CYP2C19: variants seen among roughly 807,000 people sequenced by gnomAD.
The protein encoded by CYP2C19 is cytochrome P450 2C19.
In CYP2C19, 59 loss-of-function variants were observed where a neutral mutation model predicts 40.9. The ratio of observed to expected loss-of-function variants is 1.44; its 90% CI spans 1.17 to 1.79. The LOEUF is 1.79. Among genes scored for constraint, CYP2C19 ranks in the 40% most tolerant of loss-of-function variants. The probability of loss-of-function intolerance (pLI) is 0.00; values close to 1 mark genes in which losing one functional copy is unlikely to be tolerated. For missense variants in CYP2C19, 754 were observed against 596.9 expected, an observed-to-expected ratio of 1.26 and a Z score of -2.74; for synonymous variants, 253 against 208.7, an observed-to-expected ratio of 1.21 and a Z score of -1.83.
At chr10:94,848,645 T>G (rs996591942) in intron 7 of CYP2C19, among the ~76,000 whole-genome samples, 9 of 152,220 alleles carry the variant, frequency 5.9e-5, no homozygotes, top group Middle Eastern at 3.2e-3. Flanking sequence ...GGGATGGCAT[T>G]GAATCTATAA....
chr10:94,831,426 G>T (rs956310294), intron 6 of CYP2C19, among the ~76,000 whole-genome samples: 4 of 152,106 alleles, frequency 2.6e-5, no homozygotes, highest in Admixed American at 2.6e-4. Flanking sequence ...TTTATTTTTA[G>T]TTTTTTAAAA....
At chr10:94,781,311 A>T (rs1381990273) in intron 4 of CYP2C19, among the ~76,000 whole-genome samples, 1 of 152,160 alleles carries the variant, frequency 6.6e-6, no homozygotes, top group Admixed American at 6.5e-5. Context: ...TACAGAAGTC[A>T]TTTAACTGCT....
chr10:94,798,950 T>G (rs1010471071), intron 5 of CYP2C19, among the ~76,000 whole-genome samples: 2 of 151,892 alleles, frequency 1.3e-5, no homozygotes, highest in Non-Finnish European at 2.9e-5. Flanking sequence ...TCTTGACTTT[T>G]TATCCGATTT....
chr10:94,769,006 C>T (rs1479355432), intron 1 of CYP2C19, among the ~76,000 whole-genome samples: 3 of 152,020 alleles, frequency 2.0e-5, no homozygotes, highest in Admixed American at 1.3e-4. Context: ...TGGCAAAAGT[C>T]GGTGATTCCA....
intron 5 of CYP2C19, among the ~76,000 whole-genome samples, chr10:94,809,560 CT>C (rs1488938906): frequency 1.3e-5 from 2 of 151,896 alleles, no homozygotes; most frequent in East Asian, 3.9e-4. Context: ...TATTTTATTT[CT>C]TTCTCTTGCC....
intron 1 of CYP2C19, among the ~76,000 whole-genome samples, chr10:94,773,416 C>T (rs112732395): frequency 0.048 from 7,252 of 152,260 alleles, 245 homozygotes; most frequent in South Asian, 0.11. Context: ...AAGGGTGAAG[C>T]TGCAGACCTT....
chr10:94,794,701 GTT>G (rs1330759234), intron 5 of CYP2C19, among the ~76,000 whole-genome samples: 1 of 152,092 alleles, frequency 6.6e-6, no homozygotes. Context: ...TTGGCTCTCT[GTT>G]TGTCTCTTTT....
intron 6 of CYP2C19, among the ~76,000 whole-genome samples, chr10:94,840,858 G>T (rs544692962): frequency 6.6e-6 from 1 of 152,302 alleles, no homozygotes; most frequent in African/African-American, 2.4e-5. Flanking sequence ...TTACACCTGA[G>T]TCTTCAGTCT....
intron 1 of CYP2C19, among the ~76,000 whole-genome samples, chr10:94,766,204 C>G (rs200649282): frequency 1.9e-5 from 2 of 105,920 alleles, no homozygotes; most frequent in Admixed American, 8.7e-5. Flanking sequence ...ACAAAGCCAA[C>G]AGTCATTTGC....
At chr10:94,786,108 T>C (rs555400124) in intron 5 of CYP2C19, among the ~76,000 whole-genome samples, 8 of 152,084 alleles carry the variant, frequency 5.3e-5, no homozygotes, top group Non-Finnish European at 1.0e-4. Flanking sequence ...TCCTTTCTTC[T>C]GTTATTAAAC....
chr10:94,826,694 T>C (rs1564677936), intron 6 of CYP2C19, among the ~76,000 whole-genome samples: 2 of 152,208 alleles, frequency 1.3e-5, no homozygotes, highest in Non-Finnish European at 2.9e-5. Context: ...TCCAACACTA[T>C]GTTGAATAGG....
chr10:94,848,671 A>G (rs1199696782), intron 7 of CYP2C19, among the ~76,000 whole-genome samples: 1 of 152,158 alleles, frequency 6.6e-6, no homozygotes, highest in Non-Finnish European at 1.5e-5. Flanking sequence ...CTTGGGCAGT[A>G]TGGCCATTTT....
chr10:94,800,739 C>T (rs773854163), intron 5 of CYP2C19, among the ~76,000 whole-genome samples: 7 of 152,154 alleles, frequency 4.6e-5, no homozygotes, highest in Non-Finnish European at 7.4e-5. Flanking sequence ...ATGCCCCTTC[C>T]CCCACCTGGC....
intron 7 of CYP2C19, among the ~76,000 whole-genome samples, chr10:94,843,888 G>A (rs921101931): frequency 1.3e-5 from 2 of 152,160 alleles, no homozygotes; most frequent in African/African-American, 4.8e-5. Flanking sequence ...TATTGAAAAT[G>A]ATGCTAGAAG....
intron 6 of CYP2C19, among the ~76,000 whole-genome samples, chr10:94,829,284 A>C (rs1849288317): frequency 6.6e-6 from 1 of 152,160 alleles, no homozygotes. Context: ...CATTCTCCCC[A>C]TCACTTTCAG....
At chr10:94,809,196 C>A (rs1449954372) in intron 5 of CYP2C19, among the ~76,000 whole-genome samples, 1 of 152,132 alleles carries the variant, frequency 6.6e-6, no homozygotes, top group Non-Finnish European at 1.5e-5. Context: ...TGATATTGAG[C>A]ACTTTTTCAT....
chr10:94,768,908 T>C (rs1218622057), intron 1 of CYP2C19, among the ~76,000 whole-genome samples: 2 of 152,280 alleles, frequency 1.3e-5, no homozygotes, highest in African/African-American at 4.8e-5. Flanking sequence ...CTGGTTCCCA[T>C]TCTACTAGAT....
rs760117208 is a variant in CYP2C19, at chr10:94,780,514, C to T, written c.497C>T (p.Pro166Leu). 5 of 1,613,306 alleles carry T rather than the reference C, an allele frequency of 3.1e-6. No homozygotes were observed. Among genetic ancestry groups the T allele is most frequent in the Non-Finnish European group, 4.2e-6 (5 of 1,179,838 alleles). ...AATCATTTAGCTTCACCCTGTGATC[C>T]CACTTTCATCCTGGGCTGTGCTCCC... Reference protein sequence around the residue: ...LRKTKASPCDPTFILGCAPCN... With the variant: ...LRKTKASPCDLTFILGCAPCN... Residue 166 changes from proline (P) to leucine (L), a missense_variant, in exon 4 of 9, where the codon CCC becomes CTC. Transcript: ENST00000371321.
intron 1 of CYP2C19, chr10:94,774,831 A>G (rs111773794): frequency 2.5e-5 from 14 of 555,028 alleles, no homozygotes; most frequent in African/African-American, 2.1e-4. Flanking sequence ...GTGAGGGTTA[A>G]TTGTAATCTG....
Sources: allele counts gnomAD v4.1 joint callset (sites outside exome capture counted in the v4.1 genomes callset), GRCh38; gene constraint gnomAD v4.1.1; transcripts MANE v1.5; gene names NCBI Gene and HGNC (gene_info 2026-07-23, HGNC 2026-07-21).